CRADD: variants seen among roughly 807,000 people sequenced by gnomAD.
CRADD encodes CARD and death domain containing adaptor protein.
A neutral mutation model predicts 15.5 loss-of-function variants in CRADD; 9 were observed. The ratio of observed to expected loss-of-function variants is 0.58; its 90% CI spans 0.35 to 1.01. The LOEUF is 1.01. Ranked by LOEUF, CRADD falls within the 50% of genes least tolerant of loss-of-function variation. The pLI is 0.02. For missense variants in CRADD, 227 were observed against 250.3 expected (o/e 0.91, Z 0.63); for synonymous variants, 118 against 107.6 (o/e 1.10, Z -0.60).
intron 1 of CRADD, among the ~76,000 whole-genome samples, chr12:93,678,327 C>G (rs1157679204): frequency 2.0e-5 from 3 of 152,200 alleles, no homozygotes; most frequent in Non-Finnish European, 4.4e-5. Context: ...CTGCGTCCAC[C>G]TTGGCAGTTT....
rs541388435 is a variant in CRADD at position 93,866,866 on chromosome 12, A to T, written c.299-27184A>T. Among the ~76,000 whole-genome samples, 4 of 152,320 alleles carry T rather than the reference A, an allele frequency of 2.6e-5. No homozygotes were observed. The South Asian group carries it at 8.3e-4, about 32-fold the overall frequency. On this transcript the variant is annotated intron_variant, in intron 2 of 2. Transcript: ENST00000548483. ...ATGAGCTGTGGCAGAGGGCTTCAAC[A>T]TTTAGTATGTAGTCCTCATGCTTTC... is the stretch of plus-strand genomic sequence containing the variant.
intron 2 of CRADD, among the ~76,000 whole-genome samples, chr12:93,777,084 T>C (rs760406181): frequency 1.3e-5 from 2 of 152,150 alleles, no homozygotes; most frequent in African/African-American, 2.4e-5. Context: ...GCAGAATGCA[T>C]GGTATAGGAT....
intron 2 of CRADD, among the ~76,000 whole-genome samples, chr12:93,844,984 C>CA (rs1411397502): frequency 6.6e-6 from 1 of 151,764 alleles, no homozygotes; most frequent in Non-Finnish European, 1.5e-5. Flanking sequence ...GTTAAAAAAA[C>CA]AAAAAACAAA....
intron 2 of CRADD, among the ~76,000 whole-genome samples, chr12:93,725,765 A>G (rs1055537725): frequency 6.6e-6 from 1 of 152,216 alleles, no homozygotes; most frequent in East Asian, 1.9e-4. Context: ...TTTAGCATGT[A>G]GAGAATTTGA....
downstream of CRADD, among the ~76,000 whole-genome samples, chr12:93,855,164 G>A (rs1427276749): frequency 1.3e-5 from 2 of 152,006 alleles, no homozygotes; most frequent in Non-Finnish European, 2.9e-5. Context: ...CACTTCACTC[G>A]AGTCTCGGAG....
intron 2 of CRADD, among the ~76,000 whole-genome samples, chr12:93,718,972 C>T (rs1956212455): frequency 6.6e-6 from 1 of 152,076 alleles, no homozygotes; most frequent in Admixed American, 6.6e-5. Context: ...GTTGCCCAGG[C>T]TGGTCTTGAA....
chr12:93,752,008 G>A (rs765004851), intron 2 of CRADD, among the ~76,000 whole-genome samples: 6 of 152,202 alleles, frequency 3.9e-5, no homozygotes, highest in African/African-American at 7.2e-5. Flanking sequence ...TAGTCGGGCC[G>A]GCAAGTAACT....
chr12:93,690,434 A>G (rs1955538546), intron 2 of CRADD, among the ~76,000 whole-genome samples: 1 of 152,244 alleles, frequency 6.6e-6, no homozygotes, highest in African/African-American at 2.4e-5. Context: ...GGTGGTAGAT[A>G]AAACGCTGGA....
intron 2 of CRADD, among the ~76,000 whole-genome samples, chr12:93,722,148 C>T (rs1482606505): frequency 6.6e-6 from 1 of 152,148 alleles, no homozygotes; most frequent in Non-Finnish European, 1.5e-5. Flanking sequence ...CTTTTCCTCT[C>T]CACACTAAAT....
intron 2 of CRADD, among the ~76,000 whole-genome samples, chr12:93,879,381 C>A (rs562142742): frequency 2.0e-5 from 3 of 152,294 alleles, no homozygotes; most frequent in East Asian, 3.9e-4. Flanking sequence ...ATTCAGCTTT[C>A]AGGCTATAAG....
chr12:93,799,673 A>G (rs1957456591), intron 2 of CRADD, among the ~76,000 whole-genome samples: 1 of 152,252 alleles, frequency 6.6e-6, no homozygotes, highest in African/African-American at 2.4e-5. Context: ...TAAAGATATG[A>G]AATAATGACT....
intron 2 of CRADD, among the ~76,000 whole-genome samples, chr12:93,847,116 G>A (rs1479584506): frequency 2.0e-5 from 3 of 151,956 alleles, no homozygotes; most frequent in African/African-American, 7.2e-5. Context: ...AAAAAAGAAG[G>A]TTATGCCACA....
intron 2 of CRADD, among the ~76,000 whole-genome samples, chr12:93,828,763 A>G (rs1957855340): frequency 6.6e-6 from 1 of 152,208 alleles, no homozygotes; most frequent in Admixed American, 6.5e-5. Flanking sequence ...AGGGAGTGTA[A>G]TTATTCCAGC....
chr12:93,866,826 T>C (rs1206636308), intron 2 of CRADD, among the ~76,000 whole-genome samples: 1 of 152,222 alleles, frequency 6.6e-6, no homozygotes, highest in Non-Finnish European at 1.5e-5. Flanking sequence ...GGGAACCTAG[T>C]GATGGAAGAG....
Position 93,678,815 on chromosome 12 carries a change from T to C in CRADD, c.41T>C (p.Leu14Pro), listed in dbSNP as rs1311113817. 6.2e-7 allele frequency: 1 copy of C among 1,614,190 alleles called. No homozygotes were observed. Among genetic ancestry groups the C allele is most frequent in the Admixed American group, 1.7e-5 (1 of 60,034 alleles). ...RDKQVLRSLR[L>P]ELGAEVLVEG... ...AAACAAGTACTCCGCTCACTTCGCC[T>C]GGAGCTGGGTGCAGAGGTATTGGTG... The change falls in exon 2 of 3, where the codon CTG (leucine) becomes CCG (proline). Residue 14 changes from leucine to proline, a missense_variant. Leu to Pro is a moderately conservative substitution (Grantham distance 98). Coordinates refer to ENST00000332896, the MANE Select transcript of CRADD (RefSeq NM_003805.5).
chr12:93,717,561 C>T (rs1956183949), intron 2 of CRADD, among the ~76,000 whole-genome samples: 1 of 152,082 alleles, frequency 6.6e-6, no homozygotes, highest in Non-Finnish European at 1.5e-5. Context: ...GCTCTGTTGC[C>T]TAGGCTGGAG....
chr12:93,733,186 G>C (rs1343954314), intron 2 of CRADD, among the ~76,000 whole-genome samples: 1 of 152,070 alleles, frequency 6.6e-6, no homozygotes, highest in African/African-American at 2.4e-5. Flanking sequence ...ACATGTTAAG[G>C]CTTTTAATAT....
chr12:93,852,892 C>T (rs1260501997), downstream of CRADD, among the ~76,000 whole-genome samples: 1 of 151,232 alleles, frequency 6.6e-6, no homozygotes, highest in Non-Finnish European at 1.5e-5. Context: ...TGTGGCCCTT[C>T]ATGTTTTTAA....
chr12:93,884,367 T>C (rs548266711), intron 2 of CRADD, among the ~76,000 whole-genome samples: 1 of 152,238 alleles, frequency 6.6e-6, no homozygotes, highest in East Asian at 1.9e-4. Flanking sequence ...GATAACAAAA[T>C]TGATAGAGAC....
Sources: gnomAD v4.1 joint callset for allele counts (sites outside exome capture counted in the v4.1 genomes callset) on GRCh38, gnomAD v4.1.1 for gene constraint, MANE v1.5 for transcripts, NCBI Gene and HGNC (gene_info 2026-07-23, HGNC 2026-07-21) for gene names.